The following GSDMA variants were observed in gnomAD, a reference collection of about 807,000 sequenced individuals.
The protein encoded by GSDMA is gasdermin A.
A neutral mutation model predicts 54.3 loss-of-function variants in GSDMA; 55 were observed. The ratio of observed to expected loss-of-function variants is 1.01; its 90% CI spans 0.82 to 1.27. The LOEUF is 1.27. Ranked by LOEUF, GSDMA falls within the 50% of genes most tolerant of loss-of-function variation. The probability of loss-of-function intolerance (pLI) is 0.00; values close to 1 mark genes in which losing one functional copy is unlikely to be tolerated. For synonymous variants in GSDMA, 211 were observed against 224.7 expected (o/e 0.94, Z 0.54); for missense variants, 542 against 542.6 (o/e 1.00, Z 0.01).
rs1284146363 is a variant in GSDMA at position 39,977,384 on chromosome 17, C to G, written c.*326C>G. The G allele has an allele frequency of 5.0e-6, 1 of 199,972 alleles. No individual in the cohort carries two copies. Among genetic ancestry groups the G allele is most frequent in the South Asian group, 9.5e-5 (1 of 10,570 alleles). The allele number at this position is 199,972 out of a possible 1,614,324, so 12.4% of individuals were successfully genotyped here. A position where few individuals can be genotyped will look rare whatever the true frequency, so the allele number is the denominator to read the frequency against. On this transcript the variant is annotated 3_prime_UTR_variant, in exon 12 of 12. Transcript: ENST00000301659. ...TTGGCTCACTGCAACCTCCGCCTCC[C>G]AGGTTCAAGCAATTCTCCTGCCTCA...
At position 39,965,745 on chromosome 17, in the gene GSDMA, G is replaced by T; in HGVS notation, c.58G>T (p.Asp20Tyr). The T allele has an allele frequency of 6.2e-7, 1 of 1,611,722 alleles. No homozygotes were observed. Among genetic ancestry groups the T allele is most frequent in the Non-Finnish European group, 8.5e-7 (1 of 1,178,944 alleles). ...ALARQLNPRG[D>Y]LTPLDSLIDF... Reference sequence around the variant, plus strand: ...GGCCAGACAGCTAAACCCTCGAGGGGACCTGACACCACTTGACAGCCTCAT... The same window carrying T: ...GGCCAGACAGCTAAACCCTCGAGGGTACCTGACACCACTTGACAGCCTCAT... The change falls in exon 2 of 12, where the codon GAC becomes TAC. Residue 20 changes from aspartate to tyrosine, a missense_variant. Transcript: ENST00000301659.
chr17:39,967,672 T>C (rs1266154334), intron 3 of GSDMA, among the ~76,000 whole-genome samples: 1 of 152,076 alleles, frequency 6.6e-6, no homozygotes, highest in Non-Finnish European at 1.5e-5. Context: ...GCAAGACACT[T>C]TTCTTCTTTT....
Position 39,977,237 on chromosome 17 carries a change from T to C in GSDMA, c.*179T>C. On this transcript the variant is annotated 3_prime_UTR_variant, in exon 12 of 12. Coordinates refer to ENST00000301659, the MANE Select transcript of GSDMA (RefSeq NM_178171.5). ...ATATATCACCCCCTACCCCTCCAGC[T>C]CCGCAACCCACTAAGCCCATCTGCT... The C allele has an allele frequency of 3.1e-6, 2 of 635,794 alleles. No individual in the cohort carries two copies. The highest frequency in any genetic ancestry group is 2.7e-6 in the Non-Finnish European group (1 of 371,522). The allele number at this position is 635,794 out of a possible 1,614,324, so 39.4% of individuals were successfully genotyped here. A position where few individuals can be genotyped will look rare whatever the true frequency, so the allele number is the denominator to read the frequency against.
At chr17:39,976,365 G>A (rs557260353) in intron 11 of GSDMA, among the ~76,000 whole-genome samples, 7 of 149,756 alleles carry the variant, frequency 4.7e-5, no homozygotes, top group Non-Finnish European at 1.0e-4. Context: ...CACAACCTCC[G>A]CCTCCCGGGT....
intron 11 of GSDMA, among the ~76,000 whole-genome samples, chr17:39,976,380 G>C (rs1980201832): frequency 6.6e-6 from 1 of 151,672 alleles, no homozygotes; most frequent in Non-Finnish European, 1.5e-5. Flanking sequence ...CCGGGTTCAA[G>C]CGATTCTCCT....
chr17:39,975,864 T>G, intron 10 of GSDMA, 60 bp from the exon 11 acceptor site: 1 of 1,240,376 alleles, frequency 8.1e-7, no homozygotes, highest in Non-Finnish European at 1.2e-6. Context: ...GTGCGCTATT[T>G]GGAGGCTGTA....
chr17:39,971,681 C>A, intron 5 of GSDMA, 61 bp downstream of exon 5: 2 of 1,213,512 alleles, frequency 1.6e-6, no homozygotes, highest in South Asian at 1.2e-5. Flanking sequence ...AGTACTGAGG[C>A]ACCCTGGTCC....
intron 8 of GSDMA, 45 bp from the exon 9 acceptor site, chr17:39,974,228 A>T: frequency 6.4e-7 from 1 of 1,557,540 alleles, no homozygotes; most frequent in Non-Finnish European, 8.7e-7. Context: ...ACTGGAGAGG[A>T]AGGTGCCCGA....
chr17:39,966,008 T>G, intron 2 of GSDMA, 107 bp downstream of exon 2: 1 of 1,071,006 alleles, frequency 9.3e-7, no homozygotes, highest in Non-Finnish European at 1.4e-6. Context: ...GGTGATTAGA[T>G]GTCATCTAGC....
intron 5 of GSDMA, 53 bp from the exon 6 acceptor site, chr17:39,972,076 A>C: frequency 6.9e-5 from 83 of 1,194,324 alleles, no homozygotes; most frequent in Middle Eastern, 5.3e-4. Flanking sequence ...GAAGAAGGGA[A>C]TGTGGGGCAG....
Position 39,974,443 on chromosome 17 carries a change from A to G in GSDMA, c.906+16A>G, listed in dbSNP as rs1980109834. The stretch of plus-strand genomic sequence containing the variant: ...TGAGCTCGCAGTGAGGACCTAGTGG[A>G]AGTGGGGAAGGGTGGGAGAAGGCAT... On this transcript the variant is annotated intron_variant, in intron 9 of 11. Coordinates refer to ENST00000301659, the MANE Select transcript of GSDMA (RefSeq NM_178171.5). The G allele has an allele frequency of 6.4e-7, 1 of 1,561,224 alleles. No homozygotes were observed. The highest frequency in any genetic ancestry group is 8.7e-7 in the Non-Finnish European group (1 of 1,152,278).
In GSDMA at chr17:39,966,149, A is replaced by C. The variant is rs565449411; in HGVS notation, c.215-111A>C. On this transcript the variant is annotated intron_variant, in intron 2 of 11. Transcript: ENST00000301659. ...GCTTTGTTGCCCAGGCTGGTTTCAA[A>C]CTCCTGGGCTCAAGCAATCCTTCCA... is the stretch of plus-strand genomic sequence containing the variant. The C allele has an allele frequency of 5.1e-6, 6 of 1,175,972 alleles. No homozygotes were observed. The Admixed American group carries it at 1.4e-4, about 27-fold the overall frequency. The allele number at this position is 1,175,972 out of a possible 1,614,324, so 72.8% of individuals were successfully genotyped here. A position where few individuals can be genotyped will look rare whatever the true frequency, so the allele number is the denominator to read the frequency against.
rs781053660 is a variant in GSDMA at position 39,965,713 on chromosome 17, G to A, written c.26G>A (p.Arg9Gln). Residue 9 changes from arginine to glutamine, a missense_variant, in exon 2 of 12, where the codon CGG (arginine) becomes CAG (glutamine). Physicochemically the swap from Arg to Gln is conservative, Grantham distance 43 (BLOSUM62 1). Coordinates refer to ENST00000301659, the MANE Select transcript of GSDMA (RefSeq NM_178171.5). ...ATGACCATGTTTGAAAATGTCACCC[G>A]GGCCCTGGCCAGACAGCTAAACCCT... MTMFENVTRALARQLNPRG... is the reference protein window; with the variant it reads MTMFENVTQALARQLNPRG... 1.6e-5 allele frequency: 25 copies of A among 1,609,470 alleles called. No individual in the cohort carries two copies. Among genetic ancestry groups the A allele is most frequent in the South Asian group, 5.6e-5 (5 of 90,026 alleles).
At chr17:39,966,042 G>A (rs1299393245) in intron 2 of GSDMA, 141 bp downstream of exon 2, 1 of 831,600 alleles carries the variant, frequency 1.2e-6, no homozygotes, top group South Asian at 1.7e-5. Flanking sequence ...CAGGAGCTGA[G>A]GAGGCTGGTG....
Position 39,972,158 on chromosome 17 carries a change from C to A in GSDMA, c.685C>A (p.Gln229Lys). 7.2e-7 allele frequency: 1 copy of A among 1,383,830 alleles called. No individual in the cohort carries two copies. Among genetic ancestry groups the A allele is most frequent in the Non-Finnish European group, 9.7e-7 (1 of 1,033,984 alleles). The allele number at this position is 1,383,830 out of a possible 1,614,324, so 85.7% of individuals were successfully genotyped here. The change falls in exon 6 of 12, where the codon CAA becomes AAA. Residue 229 changes from glutamine (Q) to lysine (K), a missense_variant. By Grantham distance (53) the Gln-to-Lys change is moderately conservative (BLOSUM62 1). Coordinates refer to ENST00000301659, the MANE Select transcript of GSDMA (RefSeq NM_178171.5). ...DIPHICNDNM[Q>K]TFPPGEKSGE... ...TCCACATATCTGCAATGATAACATG[C>A]AAACCTTCCCTCCTGGAGGTAAGTG... is the stretch of plus-strand genomic sequence containing the variant.
At chr17:39,975,812 C>T (rs761113762) in intron 10 of GSDMA, 112 bp from the exon 11 acceptor site, 9 of 763,054 alleles carry the variant, frequency 1.2e-5, no homozygotes, top group Admixed American at 2.4e-5. Context: ...TTAACACCTG[C>T]GTTGTAATTA....
Position 39,965,902 on chromosome 17 carries a change from G to A in GSDMA, c.214+1G>A. ...CTTGAGCCCGGCAGCTCACCTTCAG[G>A]TCAGCCTCAAGCGGGGCTGGGAACT... On this transcript the variant is annotated splice_donor_variant, in intron 2 of 11. Transcript: ENST00000301659. LOFTEE classifies it high-confidence loss of function. 6.4e-7 allele frequency: 1 copy of A among 1,551,940 alleles called. No homozygotes were observed. The highest frequency in any genetic ancestry group is 8.7e-7 in the Non-Finnish European group (1 of 1,147,698).
At position 39,976,976 on chromosome 17, in the gene GSDMA, T is replaced by C. The variant is rs1474846731; in HGVS notation, c.1256T>C (p.Met419Thr). 3 of 1,613,834 alleles carry C rather than the reference T, an allele frequency of 1.9e-6. No individual in the cohort carries two copies. The highest frequency in any genetic ancestry group is 2.5e-6 in the Non-Finnish European group (3 of 1,179,868). The part of the protein sequence containing the change: ...LEVQRSGPQY[M>T]WDPDTLPRLC... ...GTGCAGAGATCGGGCCCCCAATATA[T>C]GTGGGACCCAGACACCCTCCCTCGC... Residue 419 changes from methionine to threonine, a missense_variant, in exon 12 of 12, where the codon ATG (methionine) becomes ACG (threonine). Coordinates refer to ENST00000301659, the MANE Select transcript of GSDMA (RefSeq NM_178171.5).
In GSDMA at chr17:39,977,210, C is replaced by T. The variant is rs1472009194; in HGVS notation, c.*152C>T. 2.5e-6 allele frequency: 2 copies of T among 809,620 alleles called. No individual in the cohort carries two copies. The highest frequency in any genetic ancestry group is 1.7e-5 in the African/African-American group (1 of 58,232). 50.2% of individuals were successfully genotyped at this position (809,620 alleles called of 1,614,324 possible). A position where few individuals can be genotyped will look rare whatever the true frequency, so the allele number is the denominator to read the frequency against. ...TGATAACCAACTTCCACCTGCCCAA[C>T]CATATATCACCCCCTACCCCTCCAG... On this transcript the variant is annotated 3_prime_UTR_variant, in exon 12 of 12. Transcript: ENST00000301659.
Sources: allele counts gnomAD v4.1 joint callset (sites outside exome capture counted in the v4.1 genomes callset), GRCh38; gene constraint gnomAD v4.1.1; transcripts MANE v1.5; gene names NCBI Gene and HGNC (gene_info 2026-07-23, HGNC 2026-07-21).